SPATA16: variants seen among roughly 807,000 people sequenced by gnomAD.
SPATA16 encodes spermatogenesis-associated protein 16.
In SPATA16, 36 loss-of-function variants were observed where a neutral mutation model predicts 63.3. The observed-to-expected ratio is 0.57, with a 90% confidence interval of 0.44 to 0.75. SPATA16 has a LOEUF of 0.75. Ranked by LOEUF, SPATA16 falls within the 30% of genes least tolerant of loss-of-function variation. The probability of loss-of-function intolerance (pLI) is 0.00; values close to 1 mark genes in which losing one functional copy is unlikely to be tolerated. For missense variants in SPATA16, 646 were observed against 679.3 expected, an observed-to-expected ratio of 0.95 and a Z score of 0.54; for synonymous variants, 203 against 216.7, an observed-to-expected ratio of 0.94 and a Z score of 0.56.
chr3:173,085,720 A>G (rs1737034289), intron 2 of SPATA16, among the ~76,000 whole-genome samples: 1 of 152,190 alleles, frequency 6.6e-6, no homozygotes, highest in Admixed American at 6.6e-5. Flanking sequence ...AGTTTTTAAC[A>G]TAAAGAGATG....
chr3:173,127,053 G>A (rs1738245880), intron 1 of SPATA16, among the ~76,000 whole-genome samples: 1 of 152,122 alleles, frequency 6.6e-6, no homozygotes, highest in African/African-American at 2.4e-5. Context: ...AAATTCACAA[G>A]TTTTTATTTA....
chr3:172,973,916 A>G (rs1171975633), intron 5 of SPATA16, among the ~76,000 whole-genome samples: 1 of 152,176 alleles, frequency 6.6e-6, no homozygotes, highest in Non-Finnish European at 1.5e-5. Context: ...GTGCAAGTAC[A>G]GTCATGACAA....
Position 173,117,736 on chromosome 3 carries a change from C to T in SPATA16, c.-5G>A, listed in dbSNP as rs771418797. 17 of 1,613,966 alleles carry T rather than the reference C, an allele frequency of 1.1e-5. No homozygotes were observed. The highest frequency in any genetic ancestry group is 1.3e-5 in the African/African-American group (1 of 74,906). On this transcript the variant is annotated 5_prime_UTR_variant, in exon 2 of 11. Transcript: ENST00000351008. ...CCTACTGCTTCCTGCATCCATCGATCCTGCCCAAAACTCCTGCAGGGGGGA... is the reference window on the plus strand; with the variant it reads ...CCTACTGCTTCCTGCATCCATCGATTCTGCCCAAAACTCCTGCAGGGGGGA...
At chr3:173,001,382 G>A (rs182156055) in intron 4 of SPATA16, among the ~76,000 whole-genome samples, 57 of 151,768 alleles carry the variant, frequency 3.8e-4, no homozygotes, top group African/African-American at 1.4e-3. Context: ...CAGCAGGCTA[G>A]GCTCTTGTTA....
intron 6 of SPATA16, among the ~76,000 whole-genome samples, chr3:172,947,047 T>C (rs541155601): frequency 1.3e-5 from 2 of 152,282 alleles, no homozygotes; most frequent in East Asian, 1.9e-4. Flanking sequence ...TTAGAGTCTC[T>C]ACCTGGTAGT....
At chr3:172,959,820 T>TATATATATATATATATATATATATATATA in intron 5 of SPATA16, among the ~76,000 whole-genome samples, 1 of 116,824 alleles carries the variant, frequency 8.6e-6, no homozygotes, top group African/African-American at 4.2e-5. Context: ...ATATATATAT[T>TATATATATATATATATATATATATATATA]TAGCATTATT....
chr3:172,929,492 G>C (rs929208201), intron 6 of SPATA16, among the ~76,000 whole-genome samples: 2 of 152,018 alleles, frequency 1.3e-5, no homozygotes, highest in African/African-American at 4.8e-5. Context: ...AGCTATTCTG[G>C]CTTCTTGACT....
At chr3:173,057,351 G>T (rs1736261195) in intron 2 of SPATA16, among the ~76,000 whole-genome samples, 1 of 151,954 alleles carries the variant, frequency 6.6e-6, no homozygotes, top group Non-Finnish European at 1.5e-5. Flanking sequence ...CTGACCTCTT[G>T]ATCCTCCCGT....
intron 1 of SPATA16, among the ~76,000 whole-genome samples, chr3:173,135,797 G>T (rs939003031): frequency 6.6e-6 from 1 of 152,146 alleles, no homozygotes; most frequent in African/African-American, 2.4e-5. Flanking sequence ...GTAGTAACTC[G>T]AATGGAACAG....
At chr3:172,899,962 C>A (rs1047606519) in intron 10 of SPATA16, among the ~76,000 whole-genome samples, 9 of 151,894 alleles carry the variant, frequency 5.9e-5, no homozygotes, top group African/African-American at 1.9e-4. Context: ...TTTTTGTTTC[C>A]CCCACCAAAC....
At chr3:172,961,069 T>TCTTCCTTTCTTC (rs1560080344) in intron 5 of SPATA16, among the ~76,000 whole-genome samples, 1,034 of 72,374 alleles carry the variant, frequency 0.014, 64 homozygotes, top group African/African-American at 0.029. Flanking sequence ...CTTTCTTCTT[T>TCTTCCTTTCTTC]CTTCCTTCCT....
intron 4 of SPATA16, among the ~76,000 whole-genome samples, chr3:172,994,291 C>T (rs940182631): frequency 2.0e-5 from 3 of 152,008 alleles, no homozygotes; most frequent in African/African-American, 4.8e-5. Context: ...TTAGCATTCA[C>T]GGAATATCCA....
At position 173,119,022 on chromosome 3, in the gene SPATA16, T is replaced by C. The variant is rs1053597550; in HGVS notation, c.-18-1273A>G. 2.0e-5 allele frequency among the ~76,000 whole-genome samples: 3 copies of C among 152,204 alleles called. No homozygotes were observed. The East Asian group carries it at 5.8e-4, about 29-fold the overall frequency. On this transcript the variant is annotated intron_variant, in intron 1 of 10. Coordinates refer to ENST00000351008, the MANE Select transcript of SPATA16 (RefSeq NM_031955.6). ...AATGTTGTTGATTGTCTTCATTTGT[T>C]TGTTTGGAAGACAGTAGTTTGCCGA...
chr3:172,918,771 T>TA (rs369275547), intron 8 of SPATA16, among the ~76,000 whole-genome samples: 1 of 152,184 alleles, frequency 6.6e-6, no homozygotes, highest in African/African-American at 2.4e-5. Context: ...GAGAGTGTAA[T>TA]AAAGTGGCCA....
At chr3:173,023,058 G>A (rs1735370486) in intron 3 of SPATA16, among the ~76,000 whole-genome samples, 1 of 151,522 alleles carries the variant, frequency 6.6e-6, no homozygotes, top group South Asian at 2.1e-4. Context: ...GGTAAATCTT[G>A]TGCTTTTTAT....
intron 3 of SPATA16, among the ~76,000 whole-genome samples, chr3:173,023,467 G>T (rs1165211190): frequency 6.6e-6 from 1 of 151,816 alleles, no homozygotes; most frequent in Non-Finnish European, 1.5e-5. Context: ...TCCTCTATGT[G>T]AATATATTTG....
intron 6 of SPATA16, among the ~76,000 whole-genome samples, chr3:172,928,040 G>A (rs972875369): frequency 5.3e-5 from 8 of 152,106 alleles, no homozygotes; most frequent in Admixed American, 4.6e-4. Flanking sequence ...CTCCCGAGTA[G>A]CTAGGATTAC....
At chr3:172,895,247 T>C (rs75601391) in intron 10 of SPATA16, among the ~76,000 whole-genome samples, 42 of 152,346 alleles carry the variant, frequency 2.8e-4, no homozygotes, top group Non-Finnish European at 4.7e-4. Flanking sequence ...ATCTCTCATG[T>C]TACCTTTTTA....
At chr3:172,942,688 G>T (rs28728314) in intron 6 of SPATA16, among the ~76,000 whole-genome samples, 14,822 of 151,956 alleles carry the variant, frequency 0.098, 2,331 homozygotes, top group African/African-American at 0.33. Flanking sequence ...GCTTGATCCA[G>T]GTAATGAATA....
Sources: gnomAD v4.1 joint callset for allele counts (sites outside exome capture counted in the v4.1 genomes callset) on GRCh38, gnomAD v4.1.1 for gene constraint, MANE v1.5 for transcripts, NCBI Gene and HGNC (gene_info 2026-07-23, HGNC 2026-07-21) for gene names.